Variants in IFIT5 observed in about 807,000 individuals in gnomAD.
IFIT5 encodes interferon-induced protein with tetratricopeptide repeats 5.
Under a neutral mutation model 5.0 loss-of-function variants are expected in IFIT5, and 2 were observed. The observed-to-expected ratio is 0.40, with a 90% CI of 0.16 to 1.26. The LOEUF is 1.26. Among genes scored for constraint, IFIT5 ranks in the 50% most tolerant of loss-of-function variants. The pLI is 0.33. For missense variants in IFIT5, 524 were observed against 563.2 expected (o/e 0.93, Z 0.70); for synonymous variants, 206 against 204.6 (o/e 1.01, Z -0.06).
In IFIT5 at chr10:89,420,577, G is replaced by A. The variant is rs1292432015; in HGVS notation, c.*1929G>A. On this transcript the variant is annotated 3_prime_UTR_variant, in exon 2 of 2. Transcript: ENST00000371795. ...ATCAGGGCTGTGTTCATACACAGAAGGGGCCTGAGATTTCTGCACTTTAAA... is the reference window on the plus strand; with the variant it reads ...ATCAGGGCTGTGTTCATACACAGAAAGGGCCTGAGATTTCTGCACTTTAAA... 6.6e-6 allele frequency: 1 copy of A among 152,212 alleles called. No individual in the cohort carries two copies. Among genetic ancestry groups the A allele is most frequent in the Non-Finnish European group, 1.5e-5 (1 of 68,030 alleles). The allele number at this position is 152,212 out of a possible 1,614,324, so 9.4% of individuals were successfully genotyped here.
Position 89,420,843 on chromosome 10 carries a change from T to A in IFIT5, c.*2195T>A, listed in dbSNP as rs1207347937. ...TGCAGCAAAGTTTGGGAGCTACTGA[T>A]GGACATGTGAAAAGTAAGTATAAAT... On this transcript the variant is annotated 3_prime_UTR_variant, in exon 2 of 2. Transcript: ENST00000371795. The A allele has an allele frequency of 2.0e-5, 3 of 152,204 alleles. No individual in the cohort carries two copies. The highest frequency in any genetic ancestry group is 4.4e-5 in the Non-Finnish European group (3 of 68,046). 9.4% of individuals were successfully genotyped at this position (152,204 alleles called of 1,614,324 possible).
chr10:89,414,929 A>G lies in IFIT5; in HGVS notation c.5+126A>G, dbSNP rs997389306. The G allele has an allele frequency of 5.5e-6, 7 of 1,279,592 alleles. No homozygotes were observed. In the African/African-American group the frequency reaches 1.1e-4, roughly 20 times the overall value. 79.3% of individuals were successfully genotyped at this position (1,279,592 alleles called of 1,614,324 possible). A position where few individuals can be genotyped will look rare whatever the true frequency, so the allele number is the denominator to read the frequency against. ...AGGGGCCGAGCCCCTCGCGCCCAGC[A>G]ACCGGGCATCTGCGTTGGGGACCCT... On this transcript the variant is annotated intron_variant, in intron 1 of 1. Transcript: ENST00000371795.
intron 1 of IFIT5, 31 bp downstream of exon 1, chr10:89,414,834 G>A (rs1357346151): frequency 1.9e-6 from 3 of 1,605,990 alleles, no homozygotes; most frequent in East Asian, 2.3e-5. Flanking sequence ...CTCCTCCCAA[G>A]CCCTGCGTCG....
In IFIT5 at chr10:89,420,078, C is replaced by T. The variant is rs1479085135; in HGVS notation, c.*1430C>T. 1.3e-5 allele frequency: 2 copies of T among 151,904 alleles called. No homozygotes were observed. 9.4% of individuals were successfully genotyped at this position (151,904 alleles called of 1,614,324 possible). ...TTAAAAATGAGAGCAGTCCTCTCAC[C>T]CTACCACAGTTCCACACCCTCAAGG... On this transcript the variant is annotated 3_prime_UTR_variant, in exon 2 of 2. Coordinates refer to ENST00000371795, the MANE Select transcript of IFIT5 (RefSeq NM_012420.3).
chr10:89,416,172 C>T (rs1008531034), intron 1 of IFIT5, among the ~76,000 whole-genome samples: 1 of 145,648 alleles, frequency 6.9e-6, no homozygotes, highest in Non-Finnish European at 1.5e-5. Context: ...GTCCACCCGC[C>T]TCAGCCTCCC....
In IFIT5 at chr10:89,418,739, T is replaced by C; in HGVS notation, c.*91T>C. The stretch of plus-strand genomic sequence containing the variant: ...TTTTATTATTTTAATCCCTTGTTTA[T>C]TATAGAGCTAATATTTATTGAATAG... On this transcript the variant is annotated 3_prime_UTR_variant, in exon 2 of 2. Transcript: ENST00000371795. 2 of 1,263,046 alleles carry C rather than the reference T, an allele frequency of 1.6e-6. No homozygotes were observed. The highest frequency in any genetic ancestry group is 2.2e-6 in the Non-Finnish European group (2 of 912,760). 78.2% of individuals were successfully genotyped at this position (1,263,046 alleles called of 1,614,324 possible).
rs1357932038 is a variant in IFIT5 at position 89,414,743 on chromosome 10, G to A, written c.-56G>A. On this transcript the variant is annotated 5_prime_UTR_variant, in exon 1 of 2. Transcript: ENST00000371795. Reference sequence around the variant, plus strand: ...GGCTTCCCGCGGTCCCCGGTGCTGAGGAGAGAGCGATCCGAGGGACTGCGC... The same window carrying A: ...GGCTTCCCGCGGTCCCCGGTGCTGAAGAGAGAGCGATCCGAGGGACTGCGC... The A allele has an allele frequency of 8.1e-6, 13 of 1,597,440 alleles. No individual in the cohort carries two copies. Among genetic ancestry groups the A allele is most frequent in the Non-Finnish European group, 1.0e-5 (12 of 1,175,186 alleles).
In IFIT5 at chr10:89,418,873, AAT is replaced by A; in HGVS notation, c.*227_*228del. On this transcript the variant is annotated 3_prime_UTR_variant, in exon 2 of 2. Transcript: ENST00000371795. ...ATTAAAATACTATAATCCATTGAGA[AAT>A]AGCAATATTCTAGCTATTGTAACTT... 2.5e-6 allele frequency: 1 copy of A among 392,914 alleles called. No individual in the cohort carries two copies. Among genetic ancestry groups the A allele is most frequent in the East Asian group, 4.0e-5 (1 of 24,914 alleles). The allele number at this position is 392,914 out of a possible 1,614,324, so 24.3% of individuals were successfully genotyped here.
chr10:89,414,898 C>T, intron 1 of IFIT5, 95 bp downstream of exon 1: 1 of 1,483,200 alleles, frequency 6.7e-7, no homozygotes, highest in South Asian at 1.3e-5. Context: ...GTTCTGCGGC[C>T]TTTTCAGGGG....
rs749460798 is a variant in IFIT5, at chr10:89,418,532, T to C, written c.1333T>C (p.Tyr445His). 5 of 1,614,042 alleles carry C rather than the reference T, an allele frequency of 3.1e-6. No individual in the cohort carries two copies. The highest frequency in any genetic ancestry group is 4.2e-6 in the Non-Finnish European group (5 of 1,180,014). The change falls in exon 2 of 2, where the codon TAC becomes CAC. Residue 445 changes from tyrosine (Y) to histidine (H), a missense_variant. By Grantham distance (83) the Tyr-to-His change is moderately conservative (BLOSUM62 2). Transcript: ENST00000371795. ...VQSLSALGFV[Y>H]KLEGEKRQAA... is the part of the protein sequence containing the mutation. The stretch of plus-strand genomic sequence containing the variant: ...GAGTTTAAGTGCCCTAGGGTTTGTT[T>C]ACAAGCTGGAAGGAGAAAAGAGGCA...
intron 1 of IFIT5, among the ~76,000 whole-genome samples, chr10:89,416,622 A>G (rs1341113212): frequency 2.0e-5 from 3 of 152,238 alleles, no homozygotes; most frequent in Admixed American, 2.0e-4. Flanking sequence ...GAGATCTTAC[A>G]ACCAAATCCA....
Position 89,420,559 on chromosome 10 carries a change from C to T in IFIT5, c.*1911C>T, listed in dbSNP as rs1185574466. 6.6e-6 allele frequency: 1 copy of T among 152,200 alleles called. No homozygotes were observed. Among genetic ancestry groups the T allele is most frequent in the Non-Finnish European group, 1.5e-5 (1 of 68,044 alleles). The allele number at this position is 152,200 out of a possible 1,614,324, so 9.4% of individuals were successfully genotyped here. On this transcript the variant is annotated 3_prime_UTR_variant, in exon 2 of 2. Coordinates refer to ENST00000371795, the MANE Select transcript of IFIT5 (RefSeq NM_012420.3). Reference sequence around the variant, plus strand: ...GTTAACTTGTTTTTATAAATCAGGGCTGTGTTCATACACAGAAGGGGCCTG... The same window carrying T: ...GTTAACTTGTTTTTATAAATCAGGGTTGTGTTCATACACAGAAGGGGCCTG...
rs1343360926 is a variant in IFIT5 at position 89,418,385 on chromosome 10, G to A, written c.1186G>A (p.Ala396Thr). 35 of 1,613,988 alleles carry A rather than the reference G, an allele frequency of 2.2e-5. No individual in the cohort carries two copies. Among genetic ancestry groups the A allele is most frequent in the Non-Finnish European group, 2.7e-5 (32 of 1,180,020 alleles). Residue 396 changes from alanine to threonine, a missense_variant, in exon 2 of 2, where the codon GCC (alanine) becomes ACC (threonine). Transcript: ENST00000371795. ...ATTTCACCGTAAATCAGAAAATACT[G>A]CCATCCATCATTATTTAGAAGCCTT... Reference protein sequence around the residue: ...QEFHRKSENTAIHHYLEALKV... With the variant: ...QEFHRKSENTTIHHYLEALKV...
Position 89,418,001 on chromosome 10 carries a change from G to T in IFIT5, c.802G>T (p.Ala268Ser). ...TAGGAGAAAAAATTCCTGGAACAAAGCTCTCGAACTTTTAAAAAAGGCCTT... is the reference window on the plus strand; with the variant it reads ...TAGGAGAAAAAATTCCTGGAACAAATCTCTCGAACTTTTAAAAAAGGCCTT... ...FYRRKNSWNK[A>S]LELLKKALEV... The change falls in exon 2 of 2, where the codon GCT becomes TCT. Residue 268 changes from alanine to serine, a missense_variant. Physicochemically the swap from Ala to Ser is moderately conservative, Grantham distance 99. Coordinates refer to ENST00000371795, the MANE Select transcript of IFIT5 (RefSeq NM_012420.3). 1 of 1,614,132 alleles carries T rather than the reference G, an allele frequency of 6.2e-7. No individual in the cohort carries two copies. The highest frequency in any genetic ancestry group is 8.5e-7 in the Non-Finnish European group (1 of 1,180,032).
In IFIT5 at chr10:89,417,716, A is replaced by C; in HGVS notation, c.517A>C (p.Asn173His). ...GAAGGCTCTGGAAGTGGAGCCTGAC[A>C]ATCCAGAATTTAACATCGGCTATGC... ...FEKALEVEPDNPEFNIGYAIT... is the reference protein window; with the variant it reads ...FEKALEVEPDHPEFNIGYAIT... The change falls in exon 2 of 2, where the codon AAT becomes CAT. Residue 173 changes from asparagine to histidine, a missense_variant. Asn to His is a moderately conservative substitution (Grantham distance 68). Coordinates refer to ENST00000371795, the MANE Select transcript of IFIT5 (RefSeq NM_012420.3). 6.2e-7 allele frequency: 1 copy of C among 1,614,168 alleles called. No homozygotes were observed. The highest frequency in any genetic ancestry group is 8.5e-7 in the Non-Finnish European group (1 of 1,180,020).
chr10:89,416,556 T>C (rs1035172205), intron 1 of IFIT5, among the ~76,000 whole-genome samples: 1 of 152,286 alleles, frequency 6.6e-6, no homozygotes, highest in African/African-American at 2.4e-5. Context: ...TGTCCAGTTG[T>C]GCATAAATTC....
At position 89,418,710 on chromosome 10, in the gene IFIT5, T is replaced by TG. The variant is rs1841570473; in HGVS notation, c.*62_*63insG. 40 of 1,470,830 alleles carry TG rather than the reference T, an allele frequency of 2.7e-5. No homozygotes were observed. The highest frequency in any genetic ancestry group is 1.8e-4 in the South Asian group (13 of 72,116). 91.1% of individuals were successfully genotyped at this position (1,470,830 alleles called of 1,614,324 possible). A position where few individuals can be genotyped will look rare whatever the true frequency, so the allele number is the denominator to read the frequency against. On this transcript the variant is annotated 3_prime_UTR_variant, in exon 2 of 2. Transcript: ENST00000371795. ...TTCATTTTGGGTTCTCCTGTTTGTT[T>TG]TTTTTTTATTATTTTAATCCCTTGT...
At chr10:89,415,242 C>G (rs561380767) in intron 1 of IFIT5, among the ~76,000 whole-genome samples, 1 of 152,310 alleles carries the variant, frequency 6.6e-6, no homozygotes, top group South Asian at 2.1e-4. Flanking sequence ...CCGCGGCCGC[C>G]GCCTCCGGGA....
At chr10:89,417,127 G>A (rs1841545423) in intron 1 of IFIT5, 78 bp from the exon 2 acceptor site, 2 of 1,238,280 alleles carry the variant, frequency 1.6e-6, no homozygotes, top group Non-Finnish European at 2.2e-6. Flanking sequence ...TAGTTGTTAT[G>A]CAAAGAACAA....
Sources: allele counts gnomAD v4.1 joint callset (sites outside exome capture counted in the v4.1 genomes callset), GRCh38; gene constraint gnomAD v4.1.1; transcripts MANE v1.5; gene names NCBI Gene and HGNC (gene_info 2026-07-23, HGNC 2026-07-21).